The following BICC1 variants were observed in gnomAD, a reference collection of about 807,000 sequenced individuals.
The protein encoded by BICC1 is BicC family RNA binding protein 1, also known as protein bicaudal C homolog 1.
A neutral mutation model predicts 111.0 loss-of-function variants in BICC1; 43 were observed. The observed-to-expected ratio is 0.39, with a 90% CI of 0.30 to 0.50. The LOEUF (loss-of-function observed/expected upper bound fraction) is 0.50, where lower values mean the gene tolerates loss of function less well. Among genes scored for constraint, BICC1 ranks in the 20% least tolerant of loss-of-function variants. BICC1 has a pLI of 0.88. For synonymous variants in BICC1, 467 were observed against 434.4 expected, an observed-to-expected ratio of 1.07 and a Z score of -0.93; for missense variants, 1,091 against 1,203.2, an observed-to-expected ratio of 0.91 and a Z score of 1.38.
intron 2 of BICC1, among the ~76,000 whole-genome samples, chr10:58,673,009 G>C (rs967463426): frequency 3.3e-5 from 5 of 152,210 alleles, no homozygotes; most frequent in African/African-American, 1.2e-4. Flanking sequence ...ATCTAATTCT[G>C]CACTGTTGCA....
At chr10:58,609,275 C>T (rs1845334575) in intron 1 of BICC1, among the ~76,000 whole-genome samples, 1 of 152,200 alleles carries the variant, frequency 6.6e-6, no homozygotes, top group African/African-American at 2.4e-5. Flanking sequence ...TTTCCTTCCT[C>T]CTGCAAAATG....
chr10:58,544,343 TAACAATATCA>T (rs1158274006), intron 1 of BICC1, among the ~76,000 whole-genome samples: 1 of 152,220 alleles, frequency 6.6e-6, no homozygotes, highest in Non-Finnish European at 1.5e-5. Context: ...TTAAGAATTG[TAACAATATCA>T]CATTCTCAAG....
At chr10:58,822,757 A>G (rs1042007883) in intron 20 of BICC1, among the ~76,000 whole-genome samples, 1 of 152,118 alleles carries the variant, frequency 6.6e-6, no homozygotes, top group African/African-American at 2.4e-5. Context: ...CTCCAGTTCA[A>G]CTTATCTCAT....
intron 2 of BICC1, among the ~76,000 whole-genome samples, chr10:58,653,100 A>G (rs1838503592): frequency 1.3e-5 from 2 of 152,182 alleles, no homozygotes; most frequent in Non-Finnish European, 2.9e-5. Flanking sequence ...TTTTTTATGA[A>G]GTAAATAAGA....
chr10:58,783,639 C>T (rs563239371), intron 3 of BICC1, among the ~76,000 whole-genome samples: 14 of 151,548 alleles, frequency 9.2e-5, no homozygotes, highest in East Asian at 3.9e-4. Context: ...GAAAGGTGCT[C>T]AGTAAACATT....
In BICC1 at chr10:58,713,402, G is replaced by A. The variant is rs556622915; in HGVS notation, c.307+11259G>A. Among the ~76,000 whole-genome samples the A allele has an allele frequency of 2.0e-5, 3 of 152,254 alleles. No individual in the cohort carries two copies. In the East Asian group the frequency reaches 5.8e-4, roughly 29 times the overall value. Reference sequence around the variant, plus strand: ...AGGAGAAAATATTGATTATTTACCTGTTTTGTAATAGGCATTATAATAGAT... The same window carrying A: ...AGGAGAAAATATTGATTATTTACCTATTTTGTAATAGGCATTATAATAGAT... On this transcript the variant is annotated intron_variant, in intron 3 of 20. Coordinates refer to ENST00000373886, the MANE Select transcript of BICC1 (RefSeq NM_001080512.3).
intron 1 of BICC1, among the ~76,000 whole-genome samples, chr10:58,552,305 A>C (rs2131918604): frequency 6.6e-6 from 1 of 152,038 alleles, no homozygotes; most frequent in Admixed American, 6.6e-5. Context: ...CTGTAATTAC[A>C]TTTTATTCTT....
chr10:58,546,348 T>G (rs190476176), intron 1 of BICC1, among the ~76,000 whole-genome samples: 20 of 152,316 alleles, frequency 1.3e-4, no homozygotes. Flanking sequence ...TACATCTGGT[T>G]GTTGTCCTGT....
intron 1 of BICC1, among the ~76,000 whole-genome samples, chr10:58,562,752 A>AT (rs55705635): frequency 0.98 from 146,984 of 150,576 alleles, 71,798 homozygotes; most frequent in Non-Finnish European, 1. Flanking sequence ...TGTAAGGATA[A>AT]TTTTTTTTTT....
intron 1 of BICC1, among the ~76,000 whole-genome samples, chr10:58,602,632 G>A (rs1428674624): frequency 6.6e-6 from 1 of 152,166 alleles, no homozygotes; most frequent in Non-Finnish European, 1.5e-5. Context: ...TAAATGTCTT[G>A]AGAGAAGGGG....
chr10:58,621,924 T>C (rs574238319), intron 2 of BICC1, among the ~76,000 whole-genome samples: 33,994 of 73,824 alleles, frequency 0.46, 9,599 homozygotes, highest in African/African-American at 0.53. Flanking sequence ...TAGAATAGAA[T>C]AGAATAGAAT....
intron 14 of BICC1, among the ~76,000 whole-genome samples, chr10:58,802,178 T>C (rs1323773366): frequency 6.6e-6 from 1 of 152,234 alleles, no homozygotes; most frequent in Non-Finnish European, 1.5e-5. Flanking sequence ...TCCCTCTGAG[T>C]TGCTGTTCTC....
intron 1 of BICC1, among the ~76,000 whole-genome samples, chr10:58,560,375 CT>C (rs2131946414): frequency 6.6e-6 from 1 of 151,992 alleles, no homozygotes; most frequent in Non-Finnish European, 1.5e-5. Flanking sequence ...AAGCGCTGAT[CT>C]TTTGTATTTC....
At chr10:58,798,187 A>G (rs908072113) in intron 10 of BICC1, among the ~76,000 whole-genome samples, 2 of 152,260 alleles carry the variant, frequency 1.3e-5, no homozygotes, top group Admixed American at 6.5e-5. Flanking sequence ...CCATTTTCTG[A>G]TAGCAACTCT....
chr10:58,691,147 A>G (rs1389843229), intron 2 of BICC1, among the ~76,000 whole-genome samples: 1 of 152,198 alleles, frequency 6.6e-6, no homozygotes, highest in African/African-American at 2.4e-5. Flanking sequence ...TTCCTGAGAA[A>G]AACACTTCAT....
intron 1 of BICC1, among the ~76,000 whole-genome samples, chr10:58,555,027 A>G (rs982123519): frequency 8.6e-5 from 13 of 152,038 alleles, no homozygotes; most frequent in African/African-American, 3.1e-4. Flanking sequence ...GTTTTGTTAT[A>G]AATACCTTAG....
intron 2 of BICC1, 151 bp from the exon 3 acceptor site, chr10:58,701,922 GT>G (rs561647702): frequency 1.1e-3 from 540 of 501,546 alleles, no homozygotes; most frequent in South Asian, 1.8e-3. Flanking sequence ...TCCCCCCAGG[GT>G]TTTTTTTTTC....
intron 3 of BICC1, among the ~76,000 whole-genome samples, chr10:58,711,484 C>T (rs1027017702): frequency 7.2e-5 from 11 of 152,174 alleles, no homozygotes; most frequent in Admixed American, 1.3e-4. Flanking sequence ...AGATCCTTTT[C>T]GAATATGTAT....
At chr10:58,620,131 G>A (rs1316101719) in intron 1 of BICC1, among the ~76,000 whole-genome samples, 1 of 152,040 alleles carries the variant, frequency 6.6e-6, no homozygotes, top group Non-Finnish European at 1.5e-5. Context: ...TCTCCTTTTA[G>A]TCAAATTCCC....
Sources: allele counts gnomAD v4.1 joint callset (sites outside exome capture counted in the v4.1 genomes callset), GRCh38; gene constraint gnomAD v4.1.1; transcripts MANE v1.5; gene names NCBI Gene and HGNC (gene_info 2026-07-23, HGNC 2026-07-21).